Variants in F9 observed in about 807,000 individuals in gnomAD.
F9 encodes the protein coagulation factor IX.
F9 carries 2 observed loss-of-function variants against 34.1 expected under a neutral mutation model. The ratio of observed to expected loss-of-function variants is 0.06; its 90% CI spans 0.02 to 0.18. F9 has a LOEUF of 0.18. Among genes scored for constraint, F9 ranks in the 10% least tolerant of loss-of-function variants. The probability of loss-of-function intolerance (pLI) is 1.00; values close to 1 mark genes in which losing one functional copy is unlikely to be tolerated. For missense variants in F9, 216 were observed against 345.1 expected (o/e 0.63, Z 2.96); for synonymous variants, 137 against 118.8 (o/e 1.15, Z -1.00).
At chrX:139,558,074 T>C (rs1297209448) in intron 6 of F9, among the ~76,000 whole-genome samples, 1 of 112,719 alleles carries the variant, frequency 8.9e-6, no homozygotes, top group Non-Finnish European at 1.9e-5. Context: ...CATCCCTACC[T>C]AGCTACCATT....
intron 1 of F9, among the ~76,000 whole-genome samples, chrX:139,533,847 G>A (rs1406276364): frequency 9.0e-6 from 1 of 111,303 alleles, no homozygotes; most frequent in East Asian, 2.8e-4. Flanking sequence ...TATATATAAG[G>A]TGAAAAAGGA....
At chrX:139,536,175 A>G (rs879634774) in intron 1 of F9, among the ~76,000 whole-genome samples, 1 of 106,168 alleles carries the variant, frequency 9.4e-6, no homozygotes, top group Non-Finnish European at 1.9e-5. Context: ...ATATATGTAT[A>G]CATATATATG....
chrX:139,548,430 G>A lies in F9; in HGVS notation c.459G>A (p.Val153=), dbSNP rs144314232. The change falls in exon 5 of 8, where the codon GTG becomes GTA. Residue 153 remains valine, a synonymous_variant. Coordinates refer to ENST00000218099, the MANE Select transcript of F9 (RefSeq NM_000133.4). Reference sequence around the variant, plus strand: ...GTAAAAATAGTGCTGATAACAAGGTGGTTTGCTCCTGTACTGAGGGATATC... The same window carrying A: ...GTAAAAATAGTGCTGATAACAAGGTAGTTTGCTCCTGTACTGAGGGATATC... ...QFCKNSADNK[V]VCSCTEGYRL... 1 of 1,208,551 alleles carries A rather than the reference G, an allele frequency of 8.3e-7. No homozygotes were observed. Among genetic ancestry groups the A allele is most frequent in the Non-Finnish European group, 1.1e-6 (1 of 894,151 alleles).
chrX:139,551,255 C>T lies in F9; in HGVS notation c.714C>T (p.Phe238=), dbSNP rs769442375. 8.3e-7 allele frequency: 1 copy of T among 1,208,389 alleles called. No individual in the cohort carries two copies. The highest frequency in any genetic ancestry group is 1.1e-6 in the Non-Finnish European group (1 of 892,574). ...GAGAAGATGCCAAACCAGGTCAATT[C>T]CCTTGGCAGGTACTTTATACTGATG... ...VGGEDAKPGQ[F]PWQVVLNGKV... Residue 238 remains phenylalanine, a synonymous_variant, in exon 6 of 8, where the codon TTC becomes TTT. Transcript: ENST00000218099.
At chrX:139,558,152 G>A (rs1034543831) in intron 6 of F9, among the ~76,000 whole-genome samples, 1 of 113,640 alleles carries the variant, frequency 8.8e-6, no homozygotes, top group East Asian at 2.8e-4. Context: ...TCAGGTGCAC[G>A]TGCCCTATGC....
intron 6 of F9, among the ~76,000 whole-genome samples, chrX:139,553,843 TAA>T (rs774758448): frequency 1.9e-4 from 13 of 67,497 alleles, no homozygotes; most frequent in African/African-American, 2.2e-4. Flanking sequence ...AGTCCAAGAT[TAA>T]AAAAAAAAAA....
chrX:139,561,312 T>C (rs1271780081), intron 7 of F9, among the ~76,000 whole-genome samples: 1 of 112,074 alleles, frequency 8.9e-6, no homozygotes, highest in Non-Finnish European at 1.9e-5. Context: ...TATAACAGCA[T>C]GAGTGAACAG....
Position 139,530,869 on chromosome X carries a change from A to T in F9, c.88+17A>T. The T allele has an allele frequency of 8.8e-7, 1 of 1,133,402 alleles. No individual in the cohort carries two copies. Among genetic ancestry groups the T allele is most frequent in the Non-Finnish European group, 1.2e-6 (1 of 824,082 alleles). 93.4% of individuals were successfully genotyped at this position (1,133,402 alleles called of 1,213,427 possible). On this transcript the variant is annotated intron_variant, in intron 1 of 7. Transcript: ENST00000218099. ...AATGTACAGGTTTGTTTCCTTTTTT[A>T]AAATACATTGAGTATGCTTGCCTTT...
chrX:139,556,708 A>G (rs985662897), intron 6 of F9, among the ~76,000 whole-genome samples: 1 of 112,280 alleles, frequency 8.9e-6, no homozygotes, highest in Admixed American at 9.4e-5. Flanking sequence ...TTAAACAATT[A>G]TCCTCTAAGA....
chrX:139,542,127 T>C (rs1346685258), intron 4 of F9, among the ~76,000 whole-genome samples: 2 of 111,496 alleles, frequency 1.8e-5, no homozygotes, highest in Admixed American at 1.9e-4. Flanking sequence ...ACCTGACAGA[T>C]GAAAAAGGCA....
At chrX:139,542,272 GA>G (rs1297522907) in intron 4 of F9, among the ~76,000 whole-genome samples, 1 of 111,688 alleles carries the variant, frequency 9.0e-6, no homozygotes, top group Admixed American at 9.5e-5. Context: ...AAATTTCTTA[GA>G]AGGTAAAAAA....
chrX:139,551,851 T>C (rs1927852343), intron 6 of F9, among the ~76,000 whole-genome samples: 1 of 111,493 alleles, frequency 9.0e-6, no homozygotes, highest in African/African-American at 3.3e-5. Context: ...GGCCCAGCAG[T>C]CTGTGCGCAA....
At chrX:139,542,069 TAA>T (rs1927615106) in intron 4 of F9, among the ~76,000 whole-genome samples, 1 of 111,332 alleles carries the variant, frequency 9.0e-6, no homozygotes, top group Non-Finnish European at 1.9e-5. Context: ...TGACTAAGGA[TAA>T]AGAGTAGAAA....
chrX:139,531,444 A>G lies in F9; in HGVS notation c.88+592A>G, dbSNP rs138485409. On this transcript the variant is annotated intron_variant, in intron 1 of 7. Transcript: ENST00000218099. ...CTGTTAGTTATCACCAAAGCTTTTC[A>G]TGGATTAGGAAAAAATCATTTTGTC... 1.2e-4 allele frequency among the ~76,000 whole-genome samples: 13 copies of G among 112,393 alleles called. No homozygotes were observed. In the East Asian group the frequency reaches 3.6e-3, roughly 31 times the overall value.
At position 139,531,484 on chromosome X, in the gene F9, C is replaced by T. The variant is rs201986263; in HGVS notation, c.88+632C>T. ...ATCATTTTGTCTCTATGTCAAACAT[C>T]TTGGAGTTGATATTTGGGGAAACAC... On this transcript the variant is annotated intron_variant, in intron 1 of 7. Coordinates refer to ENST00000218099, the MANE Select transcript of F9 (RefSeq NM_000133.4). Among the ~76,000 whole-genome samples, 6 of 112,209 alleles carry T rather than the reference C, an allele frequency of 5.3e-5. No individual in the cohort carries two copies. The East Asian group carries it at 1.7e-3, about 31-fold the overall frequency.
Position 139,543,691 on chromosome X carries a change from T to C in F9, c.391+2502T>C, listed in dbSNP as rs769605123. 8.1e-5 allele frequency among the ~76,000 whole-genome samples: 9 copies of C among 111,748 alleles called. No individual in the cohort carries two copies. The East Asian group carries it at 1.7e-3, about 21-fold the overall frequency. ...TAAACTAAAGCAGAACATACTAACATTTGTAGTAGGCATGAAGGGAATTAG... is the reference window on the plus strand; with the variant it reads ...TAAACTAAAGCAGAACATACTAACACTTGTAGTAGGCATGAAGGGAATTAG... On this transcript the variant is annotated intron_variant, in intron 4 of 7. Coordinates refer to ENST00000218099, the MANE Select transcript of F9 (RefSeq NM_000133.4).
intron 6 of F9, 62 bp from the exon 7 acceptor site, chrX:139,560,679 A>G (rs770156120): frequency 2.0e-5 from 16 of 804,347 alleles, no homozygotes; most frequent in Non-Finnish European, 2.5e-5. Flanking sequence ...ACCAGCACAC[A>G]TATTTATTTT....
In F9 at chrX:139,530,907, T is replaced by C. The variant is rs111680242; in HGVS notation, c.88+55T>C. Reference sequence around the variant, plus strand: ...TATGCTTGCCTTTTAGATATAGAAATATCTGATGCTGTCTTCTTCACTAAA... The same window carrying C: ...TATGCTTGCCTTTTAGATATAGAAACATCTGATGCTGTCTTCTTCACTAAA... On this transcript the variant is annotated intron_variant, in intron 1 of 7. Coordinates refer to ENST00000218099, the MANE Select transcript of F9 (RefSeq NM_000133.4). 1.7e-5 allele frequency: 16 copies of C among 959,677 alleles called. No individual in the cohort carries two copies. In the African/African-American group the frequency reaches 1.7e-4, roughly 10 times the overall value. 79.1% of individuals were successfully genotyped at this position (959,677 alleles called of 1,213,427 possible). A position where few individuals can be genotyped will look rare whatever the true frequency, so the allele number is the denominator to read the frequency against.
chrX:139,542,195 C>T (rs1171567633), intron 4 of F9, among the ~76,000 whole-genome samples: 1 of 111,936 alleles, frequency 8.9e-6, no homozygotes, highest in Non-Finnish European at 1.9e-5. Context: ...AAAAAAGTCA[C>T]CTGTAATGTT....
Sources: allele counts gnomAD v4.1 joint callset (sites outside exome capture counted in the v4.1 genomes callset), GRCh38; gene constraint gnomAD v4.1.1; transcripts MANE v1.5; gene names NCBI Gene and HGNC (gene_info 2026-07-23, HGNC 2026-07-21).